ANAPC15: variants seen among roughly 807,000 people sequenced by gnomAD.
The protein encoded by ANAPC15 is anaphase promoting complex subunit 15, also known as anaphase-promoting complex subunit 15.
Under a neutral mutation model 19.8 loss-of-function variants are expected in ANAPC15, and 13 were observed. The ratio of observed to expected loss-of-function variants is 0.66; its 90% CI spans 0.43 to 1.04. The LOEUF is 1.04. Among genes scored for constraint, ANAPC15 ranks in the 50% least tolerant of loss-of-function variants. The pLI is 0.00. For missense variants in ANAPC15, 88 were observed against 150.3 expected, an observed-to-expected ratio of 0.59 and a Z score of 2.17; for synonymous variants, 45 against 50.7, an observed-to-expected ratio of 0.89 and a Z score of 0.47.
chr11:72,110,644 T>C (rs781626202), intron 3 of ANAPC15, 41 bp from the exon 4 acceptor site: 3 of 1,613,288 alleles, frequency 1.9e-6, no homozygotes, highest in Admixed American at 3.3e-5. Flanking sequence ...AGAGCCCAAG[T>C]AGGGCAGGTC....
In ANAPC15 at chr11:72,110,792, T is replaced by A. The variant is rs190554032; in HGVS notation, c.121-189A>T. On this transcript the variant is annotated intron_variant, in intron 3 of 5. Transcript: ENST00000227618. ...GAACTTGATCCAAATACTTAAACTC[T>A]CTGAGCCTTCTTTTTTTTGTATAAT... is the stretch of plus-strand genomic sequence containing the variant. 196 of 614,108 alleles carry A rather than the reference T, an allele frequency of 3.2e-4. 1 individual carries two copies. In the African/African-American group the frequency reaches 3.4e-3, roughly 11 times the overall value. The allele number at this position is 614,108 out of a possible 1,614,324, so 38.0% of individuals were successfully genotyped here.
downstream of ANAPC15, chr11:72,108,722 C>G (rs1565332686): frequency 6.5e-7 from 1 of 1,550,066 alleles, no homozygotes; most frequent in Non-Finnish European, 8.7e-7. Flanking sequence ...CCTGAGGGAC[C>G]TGCAGCTGCT....
intron 5 of ANAPC15, 69 bp downstream of exon 5, chr11:72,110,019 C>T: frequency 1.9e-6 from 3 of 1,614,008 alleles, no homozygotes; most frequent in Non-Finnish European, 2.5e-6. Flanking sequence ...TTTCTGTACC[C>T]CTTGGCCATC....
At chr11:72,108,800 C>A (rs1185544055), downstream of ANAPC15, 1 of 1,550,404 alleles carries the variant, frequency 6.4e-7, no homozygotes, top group Non-Finnish European at 8.7e-7. Flanking sequence ...CCCTGGTGCA[C>A]CCCGCTTCTT....
chr11:72,111,476 T>C lies in ANAPC15; in HGVS notation c.-75A>G. 1 of 536,554 alleles carries C rather than the reference T, an allele frequency of 1.9e-6. No homozygotes were observed. Among genetic ancestry groups the C allele is most frequent in the Non-Finnish European group, 3.4e-6 (1 of 296,552 alleles). The allele number at this position is 536,554 out of a possible 1,614,324, so 33.2% of individuals were successfully genotyped here. A position where few individuals can be genotyped will look rare whatever the true frequency, so the allele number is the denominator to read the frequency against. ...GACCTTGGCTGAGTCACTTAACCTC[T>C]CTGAGCCTCAGTGTCTTCATCTGTA... On this transcript the variant is annotated 5_prime_UTR_variant, in exon 2 of 6. Transcript: ENST00000227618.
chr11:72,107,873 G>T, downstream of ANAPC15: 1 of 1,542,696 alleles, frequency 6.5e-7, no homozygotes, highest in Non-Finnish European at 8.8e-7. Flanking sequence ...TTTATCAGGG[G>T]CCCTGCATCC....
downstream of ANAPC15, chr11:72,108,229 G>A: frequency 1.0e-6 from 1 of 967,296 alleles, no homozygotes; most frequent in South Asian, 2.1e-5. Flanking sequence ...CCACTCTGGG[G>A]ACTGTGATGC....
chr11:72,110,076 C>T lies in ANAPC15; in HGVS notation c.318+12G>A, dbSNP rs749785252. 2.5e-6 allele frequency: 4 copies of T among 1,613,940 alleles called. No individual in the cohort carries two copies. The African/African-American group carries it at 5.3e-5, about 22-fold the overall frequency. On this transcript the variant is annotated intron_variant, in intron 5 of 5. Transcript: ENST00000227618. ...CCAGGAACAGAGGCCCTCCCCCATA[C>T]CCCTTGCCTACCTCATTGACCTCTC...
intron 3 of ANAPC15, 125 bp downstream of exon 3, chr11:72,111,032 T>C: frequency 1.4e-6 from 1 of 724,960 alleles, no homozygotes; most frequent in East Asian, 2.5e-5. Context: ...CCCAGCCCGA[T>C]TATTCCCAGC....
downstream of ANAPC15, chr11:72,109,012 G>C: frequency 1.7e-6 from 2 of 1,207,514 alleles, no homozygotes; most frequent in Non-Finnish European, 2.3e-6. Context: ...CCTGTTTGGG[G>C]CCTTGACACA....
intron 1 of ANAPC15, chr11:72,111,833 T>G (rs1049641803): frequency 6.5e-6 from 1 of 154,812 alleles, no homozygotes; most frequent in African/African-American, 2.4e-5. Context: ...GGAGGGATTG[T>G]AGCATATGCA....
intron 3 of ANAPC15, 86 bp downstream of exon 3, chr11:72,111,071 T>C: frequency 1.0e-6 from 1 of 961,582 alleles, no homozygotes; most frequent in Admixed American, 2.1e-5. Flanking sequence ...CCTGGGTAGA[T>C]TTCTGGAGTA....
chr11:72,111,244 A>C lies in ANAPC15; in HGVS notation c.33T>G (p.Arg11=). The stretch of plus-strand genomic sequence containing the variant: ...GATTAAACCACAGAGTCTCAGTCAC[A>C]CGAGGGAAGAGTGAGGGGAACAAAG... MSTLFPSLFP[R]VTETLWFNLD... is the part of the protein sequence containing the mutation. Residue 11 remains arginine, a synonymous_variant, in exon 3 of 6, where the codon CGT becomes CGG. Coordinates refer to ENST00000227618, the MANE Select transcript of ANAPC15 (RefSeq NM_014042.3). 6.2e-7 allele frequency: 1 copy of C among 1,614,078 alleles called. No individual in the cohort carries two copies. The highest frequency in any genetic ancestry group is 8.5e-7 in the Non-Finnish European group (1 of 1,179,906).
In ANAPC15 at chr11:72,109,793, C is replaced by G. The variant is rs750733779; in HGVS notation, c.*88G>C. 6 of 1,541,658 alleles carry G rather than the reference C, an allele frequency of 3.9e-6. No homozygotes were observed. In the Admixed American group the frequency reaches 5.0e-5, roughly 13 times the overall value. ...CACTTTCAGGCACTGGGGCCATCAG[C>G]TGGTTCTGTGGGCAGGGGTTGGGGG... On this transcript the variant is annotated 3_prime_UTR_variant, in exon 6 of 6. Transcript: ENST00000227618.
At chr11:72,110,765 A>G (rs1946606243) in intron 3 of ANAPC15, 162 bp from the exon 4 acceptor site, 1 of 682,680 alleles carries the variant, frequency 1.5e-6, no homozygotes, top group South Asian at 1.9e-5. Flanking sequence ...TCTGCCATTT[A>G]TGAACTTGAT....
chr11:72,111,045 A>T, intron 3 of ANAPC15, 112 bp downstream of exon 3: 1 of 782,908 alleles, frequency 1.3e-6, no homozygotes, highest in Non-Finnish European at 2.1e-6. Context: ...TTCCCAGCTC[A>T]GGGCAAAAAG....
downstream of ANAPC15, chr11:72,107,933 G>T: frequency 1.3e-6 from 2 of 1,551,782 alleles, no homozygotes; most frequent in African/African-American, 1.4e-5. Flanking sequence ...GTCAGATCCT[G>T]ATGCGGCTGG....
At chr11:72,108,126 C>T, downstream of ANAPC15, 1 of 1,488,088 alleles carries the variant, frequency 6.7e-7, no homozygotes, top group Non-Finnish European at 9.0e-7. Flanking sequence ...CATGGTCAGC[C>T]TCCCATCTCC....
intron 1 of ANAPC15, among the ~76,000 whole-genome samples, chr11:72,111,766 G>A (rs1050834364): frequency 6.6e-6 from 1 of 152,148 alleles, no homozygotes; most frequent in African/African-American, 2.4e-5. Flanking sequence ...CACCCACCCA[G>A]TGTCAGAAAT....
Sources: allele counts gnomAD v4.1 joint callset (sites outside exome capture counted in the v4.1 genomes callset), GRCh38; gene constraint gnomAD v4.1.1; transcripts MANE v1.5; gene names NCBI Gene and HGNC (gene_info 2026-07-23, HGNC 2026-07-21).